KHDRBS2: variants seen among roughly 807,000 people sequenced by gnomAD.
KHDRBS2 encodes the protein KH domain-containing, RNA-binding, signal transduction-associated protein 2.
Under a neutral mutation model 44.3 loss-of-function variants are expected in KHDRBS2, and 26 were observed. The ratio of observed to expected loss-of-function variants is 0.59; its 90% confidence interval spans 0.43 to 0.81. The LOEUF (loss-of-function observed/expected upper bound fraction) is 0.81. Ranked by LOEUF, KHDRBS2 falls within the 40% of genes least tolerant of loss-of-function variation. The probability of loss-of-function intolerance (pLI) is 0.00; values close to 1 mark genes in which losing one functional copy is unlikely to be tolerated. For missense variants in KHDRBS2, 476 were observed against 433.1 expected (o/e 1.10, Z -0.88); for synonymous variants, 194 against 151.1 (o/e 1.28, Z -2.08).
At chr6:61,615,913 T>C in the KHDRBS2 span, among the ~76,000 whole-genome samples, 1 of 152,322 alleles carries the variant, frequency 6.6e-6, no homozygotes, top group Admixed American at 6.5e-5. Context: ...TAGGCATTTG[T>C]AGTATCATTT....
At chr6:61,704,100 C>G (rs980332793) in intron 7 of KHDRBS2, among the ~76,000 whole-genome samples, 1 of 151,866 alleles carries the variant, frequency 6.6e-6, no homozygotes, top group African/African-American at 2.4e-5. Flanking sequence ...CCCATAGAAA[C>G]TAGCTGCATG....
intron 1 of KHDRBS2, among the ~76,000 whole-genome samples, chr6:62,241,153 T>C (rs1456968227): frequency 6.6e-6 from 1 of 152,156 alleles, no homozygotes; most frequent in African/African-American, 2.4e-5. Context: ...GCTCTCCTAG[T>C]GTCTCTGAAG....
intron 3 of KHDRBS2, among the ~76,000 whole-genome samples, chr6:62,008,234 A>T (rs1248766622): frequency 2.0e-5 from 3 of 152,200 alleles, no homozygotes; most frequent in Non-Finnish European, 4.4e-5. Flanking sequence ...CGGTATTTTT[A>T]AAAAGTACCA....
chr6:61,713,104 G>C (rs1477924081), intron 7 of KHDRBS2, among the ~76,000 whole-genome samples: 2 of 151,502 alleles, frequency 1.3e-5, no homozygotes, highest in East Asian at 3.9e-4. Flanking sequence ...GTCACAAGTA[G>C]TGATATGCAA....
intron 1 of KHDRBS2, 23 bp downstream of exon 1, chr6:62,285,835 C>A (rs1585629267): frequency 6.3e-7 from 1 of 1,583,632 alleles, no homozygotes; most frequent in Non-Finnish European, 8.7e-7. Context: ...CGGTTTGTGC[C>A]CATCTGTGGG....
chr6:61,760,344 A>G (rs895684266), intron 6 of KHDRBS2, among the ~76,000 whole-genome samples: 1 of 152,220 alleles, frequency 6.6e-6, no homozygotes. Context: ...AAGAAAAGCC[A>G]TTACTGGGCT....
At chr6:61,869,625 C>A (rs917763056) in intron 6 of KHDRBS2, among the ~76,000 whole-genome samples, 41 of 152,154 alleles carry the variant, frequency 2.7e-4, no homozygotes, top group Admixed American at 2.4e-3. Flanking sequence ...GAGATTGACG[C>A]AGAAGACGGT....
chr6:61,653,790 A>C, the KHDRBS2 span, among the ~76,000 whole-genome samples: 1 of 152,088 alleles, frequency 6.6e-6, no homozygotes, highest in Non-Finnish European at 1.5e-5. Context: ...AAGAAAGTAA[A>C]ATAAAAAAGA....
At chr6:62,050,502 C>T (rs559841287) in intron 2 of KHDRBS2, among the ~76,000 whole-genome samples, 2 of 151,424 alleles carry the variant, frequency 1.3e-5, no homozygotes, top group Non-Finnish European at 2.9e-5. Context: ...AATAGATAAG[C>T]CACAGGCTGA....
the KHDRBS2 span, among the ~76,000 whole-genome samples, chr6:61,595,608 A>C: frequency 6.6e-6 from 1 of 151,984 alleles, no homozygotes; most frequent in Non-Finnish European, 1.5e-5. Flanking sequence ...AATAATTTAA[A>C]TTTTGACTTT....
chr6:61,960,232 C>T (rs1203711508), intron 4 of KHDRBS2, among the ~76,000 whole-genome samples: 1 of 151,998 alleles, frequency 6.6e-6, no homozygotes, highest in Non-Finnish European at 1.5e-5. Context: ...CTTATAGTAC[C>T]TATTCTCTTG....
At chr6:61,926,262 A>G (rs1323033962) in intron 4 of KHDRBS2, among the ~76,000 whole-genome samples, 1 of 152,132 alleles carries the variant, frequency 6.6e-6, no homozygotes, top group African/African-American at 2.4e-5. Flanking sequence ...TTACTTTTAG[A>G]TGAGTGGTGT....
chr6:61,571,445 G>A, the KHDRBS2 span, among the ~76,000 whole-genome samples: 1 of 152,006 alleles, frequency 6.6e-6, no homozygotes, highest in Non-Finnish European at 1.5e-5. Context: ...CCTAATAAAT[G>A]AAATAAATGG....
intron 6 of KHDRBS2, among the ~76,000 whole-genome samples, chr6:61,772,872 T>G (rs1309014427): frequency 6.6e-6 from 1 of 152,072 alleles, no homozygotes; most frequent in East Asian, 1.9e-4. Context: ...TTCCCACCTA[T>G]GAGTGAGAAT....
chr6:62,088,565 C>T (rs1179091693), intron 2 of KHDRBS2, among the ~76,000 whole-genome samples: 2 of 152,156 alleles, frequency 1.3e-5, no homozygotes, highest in African/African-American at 2.4e-5. Context: ...CCTGTTCCTT[C>T]CTCTGGAAGC....
intron 2 of KHDRBS2, among the ~76,000 whole-genome samples, chr6:62,171,889 A>G (rs1820087830): frequency 6.6e-6 from 1 of 152,188 alleles, no homozygotes. Flanking sequence ...AAGGAAATTC[A>G]TTAATACCAG....
the KHDRBS2 span, among the ~76,000 whole-genome samples, chr6:61,665,376 A>G: frequency 6.6e-6 from 1 of 151,430 alleles, no homozygotes; most frequent in Admixed American, 6.6e-5. Context: ...GAGGAGTTGC[A>G]TCACTTATAA....
chr6:62,058,184 G>A (rs1292915294), intron 2 of KHDRBS2, among the ~76,000 whole-genome samples: 2 of 151,654 alleles, frequency 1.3e-5, no homozygotes, highest in Non-Finnish European at 2.9e-5. Flanking sequence ...CTTTTTATGG[G>A]CACTGAAACT....
chr6:62,044,476 A>C (rs1252183017), intron 3 of KHDRBS2, among the ~76,000 whole-genome samples: 1 of 152,026 alleles, frequency 6.6e-6, no homozygotes, highest in African/African-American at 2.4e-5. Context: ...CAGCCTGGGC[A>C]ACAGAATGAG....
Sources: allele counts gnomAD v4.1 joint callset (sites outside exome capture counted in the v4.1 genomes callset), GRCh38; gene constraint gnomAD v4.1.1; transcripts MANE v1.5; gene names NCBI Gene and HGNC (gene_info 2026-07-23, HGNC 2026-07-21).